The following RIMS1 variants were observed in gnomAD, a reference collection of about 807,000 sequenced individuals.
RIMS1 encodes regulating synaptic membrane exocytosis protein 1.
RIMS1 carries 83 observed loss-of-function variants against 214.1 expected under a neutral mutation model. That is an observed-to-expected ratio of 0.39 (90% CI 0.32 to 0.47). The LOEUF (loss-of-function observed/expected upper bound fraction) is 0.47. Ranked by LOEUF, RIMS1 falls within the 20% of genes least tolerant of loss-of-function variation. The pLI is 0.99. For missense variants in RIMS1, 2,050 were observed against 2,161.8 expected (o/e 0.95, Z 1.03); for synonymous variants, 793 against 786.8 (o/e 1.01, Z -0.13).
chr6:72,353,454 T>A lies in RIMS1; in HGVS notation c.4366+19619T>A, dbSNP rs766779092. 1.3e-3 allele frequency among the ~76,000 whole-genome samples: 196 copies of A among 152,318 alleles called. 1 individual carries two copies. Among genetic ancestry groups the A allele is most frequent in the Non-Finnish European group, 2.2e-3 (152 of 68,014 alleles). On this transcript the variant is annotated intron_variant, in intron 29 of 33. Coordinates refer to ENST00000521978, the MANE Select transcript of RIMS1 (RefSeq NM_014989.7). ...TTCTATTCATTCGTCAGTTTTAAAA[T>A]TTCCTGGCCTCTTTTGACTCTTAGA...
At chr6:72,054,406 T>C (rs1029731704) in intron 2 of RIMS1, among the ~76,000 whole-genome samples, 3 of 152,224 alleles carry the variant, frequency 2.0e-5, no homozygotes, top group Non-Finnish European at 4.4e-5. Context: ...TGTGTCTTTA[T>C]AGTAGAATGA....
chr6:72,185,552 G>C (rs2048976992), intron 6 of RIMS1, among the ~76,000 whole-genome samples: 1 of 152,316 alleles, frequency 6.6e-6, no homozygotes, highest in Non-Finnish European at 1.5e-5. Context: ...CAGACACTGA[G>C]GAAGAAGAGG....
At chr6:71,914,179 C>T (rs1777698378) in intron 1 of RIMS1, among the ~76,000 whole-genome samples, 3 of 152,176 alleles carry the variant, frequency 2.0e-5, no homozygotes. Context: ...AAAATATGAT[C>T]CCAGGGTTTG....
chr6:72,372,623 T>TGTAG (rs1595592764), intron 29 of RIMS1, among the ~76,000 whole-genome samples: 1 of 152,200 alleles, frequency 6.6e-6, no homozygotes, highest in Non-Finnish European at 1.5e-5. Context: ...TTTGTACCTT[T>TGTAG]GTAGGGGCAA....
chr6:72,293,837 G>A (rs2093739117), intron 26 of RIMS1, among the ~76,000 whole-genome samples: 2 of 151,700 alleles, frequency 1.3e-5, no homozygotes, highest in Admixed American at 6.6e-5. Flanking sequence ...GTCTTTCAGA[G>A]AAATCATCAA....
intron 4 of RIMS1, among the ~76,000 whole-genome samples, chr6:72,135,476 C>T (rs1261439476): frequency 6.6e-6 from 1 of 152,114 alleles, no homozygotes; most frequent in Non-Finnish European, 1.5e-5. Flanking sequence ...CTCTCTAACA[C>T]TTGAAAACTT....
intron 6 of RIMS1, among the ~76,000 whole-genome samples, chr6:72,206,468 G>C (rs544698588): frequency 2.7e-4 from 41 of 152,020 alleles, no homozygotes; most frequent in African/African-American, 8.0e-4. Context: ...TATTATTATA[G>C]TTAATACTTA....
At chr6:72,154,573 A>G (rs1227620471) in intron 4 of RIMS1, among the ~76,000 whole-genome samples, 1 of 140,886 alleles carries the variant, frequency 7.1e-6, no homozygotes, top group Admixed American at 7.3e-5. Flanking sequence ...GACTCTTTCT[A>G]TTATCATGCC....
intron 8 of RIMS1, among the ~76,000 whole-genome samples, chr6:72,236,418 T>C (rs144917792): frequency 6.6e-6 from 1 of 152,296 alleles, no homozygotes; most frequent in East Asian, 1.9e-4. Context: ...ACAGTCTTTA[T>C]AGTCATAGAC....
intron 29 of RIMS1, among the ~76,000 whole-genome samples, chr6:72,369,488 C>G (rs2098147766): frequency 6.6e-6 from 1 of 152,100 alleles, no homozygotes; most frequent in African/African-American, 2.4e-5. Flanking sequence ...GTCTCTAGGG[C>G]AGGTCATGAG....
At chr6:72,062,197 C>T (rs1209938224) in intron 2 of RIMS1, among the ~76,000 whole-genome samples, 2 of 152,150 alleles carry the variant, frequency 1.3e-5, no homozygotes, top group African/African-American at 2.4e-5. Flanking sequence ...TAAAAGGAGT[C>T]ATGAGGCAAC....
intron 1 of RIMS1, among the ~76,000 whole-genome samples, chr6:71,944,100 A>G (rs926038603): frequency 6.6e-6 from 1 of 152,228 alleles, no homozygotes; most frequent in Non-Finnish European, 1.5e-5. Context: ...TTTAAACATT[A>G]CATCTATTAC....
At chr6:71,960,580 A>G (rs184422910) in intron 1 of RIMS1, among the ~76,000 whole-genome samples, 61 of 152,224 alleles carry the variant, frequency 4.0e-4, no homozygotes, top group South Asian at 1.5e-3. Context: ...AACAGGCTGA[A>G]TCTGTGGATC....
intron 29 of RIMS1, among the ~76,000 whole-genome samples, chr6:72,366,271 G>A (rs1207915856): frequency 6.6e-6 from 1 of 152,170 alleles, no homozygotes; most frequent in Non-Finnish European, 1.5e-5. Flanking sequence ...TGTATTAAAT[G>A]TGTATTACAA....
At chr6:72,127,096 C>T (rs1472901045) in intron 4 of RIMS1, among the ~76,000 whole-genome samples, 3 of 152,178 alleles carry the variant, frequency 2.0e-5, no homozygotes, top group Admixed American at 2.0e-4. Context: ...AGAAGAAACA[C>T]CTACCCCAAT....
At position 72,394,452 on chromosome 6, in the gene RIMS1, A is replaced by G. The variant is rs1484132244; in HGVS notation, c.4618+1642A>G. Among the ~76,000 whole-genome samples, 6 of 152,132 alleles carry G rather than the reference A, an allele frequency of 3.9e-5. No homozygotes were observed. The East Asian group carries it at 1.2e-3, about 29-fold the overall frequency. On this transcript the variant is annotated intron_variant, in intron 31 of 33. Transcript: ENST00000521978. ...AATGGGATGACAGAAATTGTCAAGT[A>G]TGTAGTAGGGGTAGGAAGGCAGTGA...
chr6:72,013,817 A>G (rs758780533), intron 2 of RIMS1, among the ~76,000 whole-genome samples: 1 of 152,212 alleles, frequency 6.6e-6, no homozygotes, highest in Non-Finnish European at 1.5e-5. Context: ...AACCTTCACC[A>G]CTATGTAATT....
At chr6:71,929,148 A>G (rs1782368574) in intron 1 of RIMS1, among the ~76,000 whole-genome samples, 1 of 152,088 alleles carries the variant, frequency 6.6e-6, no homozygotes, top group African/African-American at 2.4e-5. Context: ...ATCATTATTT[A>G]ATTCATGTTT....
At chr6:72,169,838 G>A (rs2046781822) in intron 4 of RIMS1, among the ~76,000 whole-genome samples, 1 of 152,208 alleles carries the variant, frequency 6.6e-6, no homozygotes, top group South Asian at 2.1e-4. Context: ...CTAAGCCAAG[G>A]AGGTTGAGGC....
Sources: allele counts gnomAD v4.1 joint callset (sites outside exome capture counted in the v4.1 genomes callset), GRCh38; gene constraint gnomAD v4.1.1; transcripts MANE v1.5; gene names NCBI Gene and HGNC (gene_info 2026-07-23, HGNC 2026-07-21).